The following CDH3 variants were observed in gnomAD, a reference collection of about 807,000 sequenced individuals.
CDH3 encodes cadherin-3.
CDH3 carries 54 observed loss-of-function variants against 82.0 expected under a neutral mutation model. The observed-to-expected ratio is 0.66, with a 90% CI of 0.53 to 0.83. The LOEUF is 0.83. Among genes scored for constraint, CDH3 ranks in the 40% least tolerant of loss-of-function variants. The pLI is 0.00. For missense variants in CDH3, 1,054 were observed against 1,084.6 expected (o/e 0.97, Z 0.40); for synonymous variants, 446 against 437.9 (o/e 1.02, Z -0.23).
intron 11 of CDH3, chr16:68,686,619 T>G (rs1358206950): frequency 1.5e-5 from 17 of 1,129,534 alleles, no homozygotes; most frequent in Non-Finnish European, 2.1e-5. Flanking sequence ...GGCACCAAAG[T>G]AGTTCTAGAT....
chr16:68,672,217 A>T (rs199661546), intron 2 of CDH3, among the ~76,000 whole-genome samples: 75 of 126,194 alleles, frequency 5.9e-4, no homozygotes, highest in African/African-American at 1.6e-3. Context: ...AATAAATAAA[A>T]AATAAAAAAA....
At chr16:68,682,664 A>G (rs1961266704) in intron 9 of CDH3, among the ~76,000 whole-genome samples, 177 bp downstream of exon 9, 2 of 152,060 alleles carry the variant, frequency 1.3e-5, no homozygotes, top group African/African-American at 4.8e-5. Flanking sequence ...ACTAAATCTT[A>G]CCCAGGAGCC....
At chr16:68,670,870 C>T (rs778094995) in intron 2 of CDH3, among the ~76,000 whole-genome samples, 1 of 152,014 alleles carries the variant, frequency 6.6e-6, no homozygotes, top group South Asian at 2.1e-4. Context: ...GCCAGGAGTT[C>T]GAGACCACCC....
chr16:68,711,010 A>AGGGGG (rs1962022321), intron 1 of CDH3, among the ~76,000 whole-genome samples: 1 of 10,794 alleles, frequency 9.3e-5, no homozygotes, highest in Non-Finnish European at 1.9e-4. Flanking sequence ...AGGGGAGGGG[A>AGGGGG]GGGGAGGGGA....
At chr16:68,671,050 G>T (rs1407168544) in intron 2 of CDH3, among the ~76,000 whole-genome samples, 1 of 151,906 alleles carries the variant, frequency 6.6e-6, no homozygotes, top group African/African-American at 2.4e-5. Context: ...TCCAGCCTGA[G>T]TAACAGAGCG....
chr16:68,698,086 C>A, intron 15 of CDH3, 105 bp from the exon 16 acceptor site: 1 of 1,015,500 alleles, frequency 9.8e-7, no homozygotes, highest in Non-Finnish European at 1.5e-6. Flanking sequence ...ACCTCCAAAA[C>A]CTTTAGGGGA....
intron 2 of CDH3, among the ~76,000 whole-genome samples, chr16:68,667,132 G>T (rs936726467): frequency 8.5e-5 from 13 of 152,196 alleles, no homozygotes; most frequent in African/African-American, 2.6e-4. Flanking sequence ...TTCTTAGTTG[G>T]TGAACTTTTT....
chr16:68,708,849 G>A (rs942036164), intron 1 of CDH3, among the ~76,000 whole-genome samples: 1 of 152,062 alleles, frequency 6.6e-6, no homozygotes, highest in African/African-American at 2.4e-5. Context: ...TACCATGTTG[G>A]TTAGGCTGAT....
intron 2 of CDH3, among the ~76,000 whole-genome samples, chr16:68,664,935 C>G (rs1357228520): frequency 6.6e-6 from 1 of 152,098 alleles, no homozygotes; most frequent in Non-Finnish European, 1.5e-5. Flanking sequence ...CAGGCATGAG[C>G]CACTGTGCCT....
intron 2 of CDH3, among the ~76,000 whole-genome samples, chr16:68,670,193 C>T (rs540430339): frequency 9.7e-5 from 14 of 144,512 alleles, no homozygotes; most frequent in Non-Finnish European, 1.5e-4. Flanking sequence ...CACTGCACTC[C>T]AGCCTGGGCA....
chr16:68,710,129 G>C (rs1962009046), intron 1 of CDH3, among the ~76,000 whole-genome samples: 1 of 152,254 alleles, frequency 6.6e-6, no homozygotes, highest in Admixed American at 6.5e-5. Context: ...AGGAGGGGAA[G>C]TGGCAGTATC....
At chr16:68,645,449 C>T in intron 1 of CDH3, 25 bp downstream of exon 1, 1 of 1,611,412 alleles carries the variant, frequency 6.2e-7, no homozygotes, top group Non-Finnish European at 8.5e-7. Context: ...CGCCGTGGCC[C>T]CGACCGGGAC....
intron 1 of CDH3, among the ~76,000 whole-genome samples, chr16:68,705,294 T>A (rs755871729): frequency 5.3e-5 from 8 of 152,138 alleles, no homozygotes; most frequent in Non-Finnish European, 1.0e-4. Flanking sequence ...TCTGAGACTC[T>A]GTAGCCCTGA....
rs534000439 is a variant in CDH3 at position 68,683,883 on chromosome 16, C to T, written c.1183-700C>T. On this transcript the variant is annotated intron_variant, in intron 9 of 15. Coordinates refer to ENST00000264012, the MANE Select transcript of CDH3 (RefSeq NM_001793.6). ...GGGAGTTCGAGACCAGCCTGGCCAT[C>T]GTGGTGAAACCCGTCTCTACTAAAA... Among the ~76,000 whole-genome samples, 44 of 149,864 alleles carry T rather than the reference C, an allele frequency of 2.9e-4. 1 individual carries two copies. Among genetic ancestry groups the T allele is most frequent in the African/African-American group, 1.1e-3 (43 of 40,714 alleles).
At chr16:68,661,935 C>A (rs1198355272) in intron 2 of CDH3, among the ~76,000 whole-genome samples, 1 of 152,212 alleles carries the variant, frequency 6.6e-6, no homozygotes, top group Non-Finnish European at 1.5e-5. Context: ...AGGTGATCTG[C>A]CCGTCTCAGC....
chr16:68,730,666 T>C (rs1962273375), downstream of CDH3, among the ~76,000 whole-genome samples: 1 of 152,154 alleles, frequency 6.6e-6, no homozygotes, highest in Non-Finnish European at 1.5e-5. Context: ...TTAAAAGATG[T>C]CTTTCTCAGA....
chr16:68,659,367 G>C (rs1339427899), intron 2 of CDH3, among the ~76,000 whole-genome samples: 1 of 152,018 alleles, frequency 6.6e-6, no homozygotes. Flanking sequence ...CCAGGAGTTC[G>C]AGACCAGCCT....
intron 1 of CDH3, among the ~76,000 whole-genome samples, chr16:68,714,246 C>T (rs1962066635): frequency 6.6e-6 from 1 of 152,052 alleles, no homozygotes; most frequent in East Asian, 1.9e-4. Context: ...CCAGTTAGAT[C>T]TTGAGCTCAC....
At chr16:68,728,392 C>T (rs915988803), downstream of CDH3, among the ~76,000 whole-genome samples, 4 of 152,106 alleles carry the variant, frequency 2.6e-5, no homozygotes, top group Non-Finnish European at 4.4e-5. Flanking sequence ...GTCTCGATCT[C>T]CTGACCTCGT....
Sources: gnomAD v4.1 joint callset for allele counts (sites outside exome capture counted in the v4.1 genomes callset) on GRCh38, gnomAD v4.1.1 for gene constraint, MANE v1.5 for transcripts, NCBI Gene and HGNC (gene_info 2026-07-23, HGNC 2026-07-21) for gene names.